CLEC16A: variants seen among roughly 807,000 people sequenced by gnomAD.
CLEC16A encodes the protein C-type lectin domain containing 16A, also known as protein CLEC16A.
A neutral mutation model predicts 109.5 loss-of-function variants in CLEC16A; 51 were observed. The observed-to-expected ratio is 0.47, with a 90% CI of 0.37 to 0.59. The LOEUF (loss-of-function observed/expected upper bound fraction) is 0.59. Ranked by LOEUF, CLEC16A falls within the 20% of genes least tolerant of loss-of-function variation. The pLI, the probability that CLEC16A is intolerant of heterozygous loss-of-function variation, is 0.00. For missense variants in CLEC16A, 1,339 were observed against 1,394.0 expected (o/e 0.96, Z 0.63); for synonymous variants, 673 against 564.2 (o/e 1.19, Z -2.73).
chr16:10,968,142 T>C (rs984866336), intron 3 of CLEC16A, among the ~76,000 whole-genome samples: 1 of 152,184 alleles, frequency 6.6e-6, no homozygotes, highest in Non-Finnish European at 1.5e-5. Context: ...GGACAGGCGA[T>C]GGGACAGCAG....
intron 4 of CLEC16A, among the ~76,000 whole-genome samples, chr16:10,969,941 C>T (rs1039378806): frequency 6.6e-6 from 1 of 152,186 alleles, no homozygotes; most frequent in East Asian, 1.9e-4. Context: ...ATGTACATAG[C>T]TCCCTAAAAG....
At chr16:11,151,094 C>G (rs1427818102) in intron 22 of CLEC16A, among the ~76,000 whole-genome samples, 1 of 152,190 alleles carries the variant, frequency 6.6e-6, no homozygotes, top group Non-Finnish European at 1.5e-5. Flanking sequence ...GTTAGGACTT[C>G]AACCTAAGAA....
Position 11,061,152 on chromosome 16 carries a change from C to T in CLEC16A, c.2116+130C>T, listed in dbSNP as rs536349271. ...ATTTTGTACTATTATTGAGCTGTGA[C>T]CTTGAGCCAGCGGTGTGCATGTCCC... On this transcript the variant is annotated intron_variant, in intron 19 of 23. Transcript: ENST00000409790. 4 of 1,109,296 alleles carry T rather than the reference C, an allele frequency of 3.6e-6. No homozygotes were observed. The South Asian group carries it at 8.3e-5, about 23-fold the overall frequency. The allele number at this position is 1,109,296 out of a possible 1,614,324, so 68.7% of individuals were successfully genotyped here.
intron 19 of CLEC16A, among the ~76,000 whole-genome samples, chr16:11,096,658 C>G (rs1161273718): frequency 6.6e-6 from 1 of 152,124 alleles, no homozygotes; most frequent in Non-Finnish European, 1.5e-5. Flanking sequence ...TGTTCGATAA[C>G]CTTAATTTTT....
intron 19 of CLEC16A, among the ~76,000 whole-genome samples, chr16:11,119,300 G>C (rs60128254): frequency 0.057 from 8,672 of 152,274 alleles, 318 homozygotes; most frequent in Non-Finnish European, 0.08. Flanking sequence ...ACAGCACCCA[G>C]CCTATATGTC....
At chr16:11,094,923 T>C (rs7206035) in intron 19 of CLEC16A, among the ~76,000 whole-genome samples, 7,528 of 152,314 alleles carry the variant, frequency 0.049, 631 homozygotes, top group African/African-American at 0.17. Flanking sequence ...TACTACTGGA[T>C]GATCCCCGAT....
At chr16:11,044,601 C>A (rs1388501097) in intron 16 of CLEC16A, among the ~76,000 whole-genome samples, 1 of 152,080 alleles carries the variant, frequency 6.6e-6, no homozygotes, top group Non-Finnish European at 1.5e-5. Context: ...GAAAAATTTG[C>A]AGAGCTTTGT....
chr16:10,958,283 T>G (rs1356656239), intron 2 of CLEC16A, among the ~76,000 whole-genome samples: 1 of 152,224 alleles, frequency 6.6e-6, no homozygotes, highest in African/African-American at 2.4e-5. Flanking sequence ...CCATGTTTAC[T>G]GATGACCAGG....
intron 18 of CLEC16A, 84 bp from the exon 19 acceptor site, chr16:11,060,818 A>C (rs949712207): frequency 7.4e-7 from 1 of 1,342,712 alleles, no homozygotes; most frequent in African/African-American, 1.5e-5. Context: ...ATAGAGAGTC[A>C]TGGTGTCATT....
intron 19 of CLEC16A, among the ~76,000 whole-genome samples, chr16:11,105,065 T>C (rs1466382041): frequency 6.6e-6 from 1 of 152,212 alleles, no homozygotes; most frequent in African/African-American, 2.4e-5. Flanking sequence ...AGTATTCCAT[T>C]TGGCTGCCTC....
At chr16:11,032,931 G>A (rs2152832284) in intron 13 of CLEC16A, among the ~76,000 whole-genome samples, 1 of 152,298 alleles carries the variant, frequency 6.6e-6, no homozygotes, top group African/African-American at 2.4e-5. Context: ...CAGTGATGTG[G>A]TCAGATGGAA....
chr16:10,967,756 G>A lies in CLEC16A; in HGVS notation c.344-1405G>A, dbSNP rs1213334253. 2.6e-5 allele frequency among the ~76,000 whole-genome samples: 4 copies of A among 152,176 alleles called. No homozygotes were observed. In the East Asian group the frequency reaches 7.7e-4, roughly 29 times the overall value. ...GCTTCATGAAACTGGGGCGTGGGGA[G>A]GGTCAGCAGTTTGCCCAAGGTCACA... On this transcript the variant is annotated intron_variant, in intron 3 of 23. Transcript: ENST00000409790.
chr16:11,161,006 G>T (rs182998122), intron 22 of CLEC16A, among the ~76,000 whole-genome samples: 2 of 152,306 alleles, frequency 1.3e-5, no homozygotes, highest in African/African-American at 4.8e-5. Context: ...ACTAGCTTCT[G>T]GGTTCTGTAA....
chr16:11,090,248 G>T (rs2050230216), intron 19 of CLEC16A, among the ~76,000 whole-genome samples: 1 of 152,104 alleles, frequency 6.6e-6, no homozygotes, highest in Admixed American at 6.6e-5. Flanking sequence ...TAGAAACAGG[G>T]ACTCGCTATG....
At chr16:11,127,728 C>T (rs962226609) in intron 22 of CLEC16A, among the ~76,000 whole-genome samples, 1 of 151,952 alleles carries the variant, frequency 6.6e-6, no homozygotes, top group African/African-American at 2.4e-5. Context: ...ATTAGCCAGG[C>T]ATGGTGGTGG....
intron 1 of CLEC16A, among the ~76,000 whole-genome samples, chr16:10,946,713 A>G (rs2041397304): frequency 6.6e-6 from 1 of 152,174 alleles, no homozygotes; most frequent in African/African-American, 2.4e-5. Flanking sequence ...TAATTTATTA[A>G]TTTATCGAAT....
At chr16:10,998,241 AG>A (rs2044447037) in intron 10 of CLEC16A, among the ~76,000 whole-genome samples, 1 of 152,218 alleles carries the variant, frequency 6.6e-6, no homozygotes. Context: ...GGGAGTAGTT[AG>A]GCCCCGGGGC....
intron 19 of CLEC16A, among the ~76,000 whole-genome samples, chr16:11,092,359 C>G (rs1400448392): frequency 1.0e-5 from 1 of 99,964 alleles, no homozygotes; most frequent in Non-Finnish European, 1.9e-5. Context: ...CAAACAAAAA[C>G]AAACACACAC....
intron 19 of CLEC16A, among the ~76,000 whole-genome samples, chr16:11,090,077 C>A (rs145837484): frequency 6.6e-6 from 1 of 152,112 alleles, no homozygotes; most frequent in African/African-American, 2.4e-5. Context: ...CCCAGAAATA[C>A]GCTTGCTTAT....
Sources: allele counts gnomAD v4.1 joint callset (sites outside exome capture counted in the v4.1 genomes callset), GRCh38; gene constraint gnomAD v4.1.1; transcripts MANE v1.5; gene names NCBI Gene and HGNC (gene_info 2026-07-23, HGNC 2026-07-21).